The following GRIK2 variants were observed in gnomAD, a reference collection of about 807,000 sequenced individuals.
The protein encoded by GRIK2 is glutamate ionotropic receptor kainate type subunit 2.
GRIK2 carries 32 observed loss-of-function variants against 100.3 expected under a neutral mutation model. That is an observed-to-expected ratio of 0.32 (90% confidence interval 0.24 to 0.43). The LOEUF (loss-of-function observed/expected upper bound fraction) is 0.43, where lower values mean the gene tolerates loss of function less well. Among genes scored for constraint, GRIK2 ranks in the 20% least tolerant of loss-of-function variants. GRIK2 has a pLI of 1.00. For missense variants in GRIK2, 843 were observed against 1,114.9 expected, an observed-to-expected ratio of 0.76 and a Z score of 3.47; for synonymous variants, 417 against 389.4, an observed-to-expected ratio of 1.07 and a Z score of -0.83.
chr6:101,475,070 TAGG>T (rs1364708673), intron 2 of GRIK2, among the ~76,000 whole-genome samples: 1 of 151,876 alleles, frequency 6.6e-6, no homozygotes, highest in Non-Finnish European at 1.5e-5. Flanking sequence ...TGATCAATTA[TAGG>T]AGACTTCCCT....
intron 5 of GRIK2, among the ~76,000 whole-genome samples, chr6:101,680,067 G>A (rs1276239874): frequency 6.6e-6 from 1 of 152,080 alleles, no homozygotes; most frequent in Non-Finnish European, 1.5e-5. Flanking sequence ...ATATATCACA[G>A]CACATTAACT....
chr6:101,400,048 G>T (rs1775206092), intron 2 of GRIK2, among the ~76,000 whole-genome samples: 1 of 152,158 alleles, frequency 6.6e-6, no homozygotes, highest in Non-Finnish European at 1.5e-5. Context: ...GTCAAAATTA[G>T]AACGGCATTT....
intron 10 of GRIK2, among the ~76,000 whole-genome samples, chr6:101,826,817 T>C (rs1445868369): frequency 2.0e-5 from 3 of 152,036 alleles, no homozygotes; most frequent in Non-Finnish European, 4.4e-5. Flanking sequence ...AATACAAGCA[T>C]GAATGATAGT....
chr6:101,871,777 T>G (rs181252191), intron 11 of GRIK2, among the ~76,000 whole-genome samples: 2 of 151,946 alleles, frequency 1.3e-5, no homozygotes, highest in African/African-American at 4.8e-5. Flanking sequence ...TCCAATCCAT[T>G]GTTGATGAGC....
intron 2 of GRIK2, among the ~76,000 whole-genome samples, chr6:101,400,342 G>C (rs1195957494): frequency 6.6e-6 from 1 of 152,188 alleles, no homozygotes; most frequent in Non-Finnish European, 1.5e-5. Flanking sequence ...TGATTGCTTG[G>C]AGAAAATGAA....
intron 13 of GRIK2, chr6:101,928,194 C>T (rs1052371259): frequency 2.7e-5 from 15 of 552,168 alleles, no homozygotes; most frequent in African/African-American, 2.6e-4. Flanking sequence ...ACATGAGTCT[C>T]CTGTCACTAT....
chr6:102,004,956 TA>T (rs1158554319), intron 14 of GRIK2, among the ~76,000 whole-genome samples: 1 of 151,924 alleles, frequency 6.6e-6, no homozygotes, highest in South Asian at 2.1e-4. Flanking sequence ...ATTTCTGGCA[TA>T]AAAATATTTT....
At chr6:101,627,143 G>A (rs1170751958) in intron 4 of GRIK2, among the ~76,000 whole-genome samples, 2 of 145,706 alleles carry the variant, frequency 1.4e-5, no homozygotes, top group Non-Finnish European at 3.0e-5. Flanking sequence ...GTGTGTGTGT[G>A]TGTGTGTACA....
intron 14 of GRIK2, among the ~76,000 whole-genome samples, chr6:102,013,188 T>C (rs921412716): frequency 9.9e-5 from 15 of 152,200 alleles, no homozygotes; most frequent in African/African-American, 3.6e-4. Context: ...TTTATTCCTT[T>C]TGTGGCAGTT....
intron 5 of GRIK2, among the ~76,000 whole-genome samples, chr6:101,679,456 A>G (rs1466022532): frequency 6.6e-6 from 1 of 152,142 alleles, no homozygotes; most frequent in Admixed American, 6.5e-5. Context: ...AGGAGAGATG[A>G]TATGACAACC....
chr6:101,895,721 C>T (rs1030565127), intron 12 of GRIK2, among the ~76,000 whole-genome samples: 1 of 151,002 alleles, frequency 6.6e-6, no homozygotes, highest in South Asian at 2.1e-4. Context: ...CCAAAAAAAA[C>T]GATTTCAATT....
At chr6:101,733,725 T>C (rs1015046037) in intron 7 of GRIK2, among the ~76,000 whole-genome samples, 22 of 146,132 alleles carry the variant, frequency 1.5e-4, no homozygotes, top group Non-Finnish European at 3.0e-4. Context: ...TTTTTTTTTT[T>C]TTTTTTTGTA....
chr6:101,627,759 G>A (rs1189854091), intron 4 of GRIK2, among the ~76,000 whole-genome samples: 7 of 152,118 alleles, frequency 4.6e-5, no homozygotes, highest in Admixed American at 3.9e-4. Context: ...ATTTATTTCA[G>A]TGAGTTAAAG....
At chr6:101,811,618 G>C (rs1201017340) in intron 9 of GRIK2, among the ~76,000 whole-genome samples, 1 of 151,818 alleles carries the variant, frequency 6.6e-6, no homozygotes, top group Non-Finnish European at 1.5e-5. Flanking sequence ...TACATATCAA[G>C]CAAATTATTT....
intron 10 of GRIK2, among the ~76,000 whole-genome samples, chr6:101,843,892 A>G (rs2250046): frequency 0.94 from 143,352 of 152,178 alleles, 67,540 homozygotes; most frequent in East Asian, 0.98. Context: ...GTGACTTGGC[A>G]TATACTTACC....
intron 2 of GRIK2, among the ~76,000 whole-genome samples, chr6:101,451,695 AG>A (rs66705609): frequency 0.06 from 7,506 of 125,170 alleles, 521 homozygotes; most frequent in African/African-American, 0.16. Context: ...TTTATCTCTG[AG>A]GGGGGGGGGG....
At chr6:101,723,176 T>A (rs1774611504) in intron 7 of GRIK2, among the ~76,000 whole-genome samples, 1 of 152,024 alleles carries the variant, frequency 6.6e-6, no homozygotes, top group Non-Finnish European at 1.5e-5. Flanking sequence ...AACAAGTAAT[T>A]TCTCCATGGC....
At chr6:101,818,331 C>A (rs1385125711) in intron 9 of GRIK2, 39 bp from the exon 10 acceptor site, 9 of 1,138,800 alleles carry the variant, frequency 7.9e-6, no homozygotes, top group Non-Finnish European at 1.2e-5. Context: ...TACCACGTGC[C>A]TGATGGACAA....
chr6:101,893,325 A>T (rs1258906667), intron 12 of GRIK2, among the ~76,000 whole-genome samples: 2 of 151,612 alleles, frequency 1.3e-5, no homozygotes, highest in Non-Finnish European at 3.0e-5. Context: ...ATTTTCATTG[A>T]AGGTCACAGA....
Sources: allele counts gnomAD v4.1 joint callset (sites outside exome capture counted in the v4.1 genomes callset), GRCh38; gene constraint gnomAD v4.1.1; transcripts MANE v1.5; gene names NCBI Gene and HGNC (gene_info 2026-07-23, HGNC 2026-07-21).